PPFIBP2: variants seen among roughly 807,000 people sequenced by gnomAD.
PPFIBP2 encodes liprin-beta-2.
PPFIBP2 carries 118 observed loss-of-function variants against 118.3 expected under a neutral mutation model. That is an observed-to-expected ratio of 1.00 (90% CI 0.86 to 1.16). The LOEUF (loss-of-function observed/expected upper bound fraction) is 1.16, where lower values mean the gene tolerates loss of function less well. Among genes scored for constraint, PPFIBP2 ranks in the 50% most tolerant of loss-of-function variants. The pLI, the probability that PPFIBP2 is intolerant of heterozygous loss-of-function variation, is 0.00. For synonymous variants in PPFIBP2, 414 were observed against 397.4 expected, an observed-to-expected ratio of 1.04 and a Z score of -0.50; for missense variants, 1,195 against 1,073.1, an observed-to-expected ratio of 1.11 and a Z score of -1.59.
intron 1 of PPFIBP2, among the ~76,000 whole-genome samples, chr11:7,522,327 G>A (rs1408238819): frequency 6.6e-6 from 1 of 152,232 alleles, no homozygotes; most frequent in Non-Finnish European, 1.5e-5. Flanking sequence ...GCAACTGTTA[G>A]TAGCATGAAA....
At position 7,653,372 on chromosome 11, in the gene PPFIBP2, G is replaced by T; in HGVS notation, c.*154G>T. 6.7e-7 allele frequency: 1 copy of T among 1,483,536 alleles called. No homozygotes were observed. Among genetic ancestry groups the T allele is most frequent in the East Asian group, 2.5e-5 (1 of 40,494 alleles). 91.9% of individuals were successfully genotyped at this position (1,483,536 alleles called of 1,614,324 possible). A position where few individuals can be genotyped will look rare whatever the true frequency, so the allele number is the denominator to read the frequency against. ...CTGGGCCAGTCTCTTTGAACCCTGA[G>T]GGTGGCCAGGATCTGGAGCTGCATC... On this transcript the variant is annotated 3_prime_UTR_variant, in exon 24 of 24. Transcript: ENST00000299492.
At chr11:7,634,419 T>G in intron 12 of PPFIBP2, 76 bp from the exon 13 acceptor site, 1 of 1,202,370 alleles carries the variant, frequency 8.3e-7, no homozygotes. Flanking sequence ...CGGTTAAGCA[T>G]TTGAAATGTC....
chr11:7,516,207 C>T (rs1849216502), intron 1 of PPFIBP2, among the ~76,000 whole-genome samples: 1 of 152,174 alleles, frequency 6.6e-6, no homozygotes, highest in Admixed American at 6.5e-5. Flanking sequence ...GGGAAGCAAA[C>T]TCCAAGGGAA....
intron 1 of PPFIBP2, among the ~76,000 whole-genome samples, chr11:7,530,783 C>T (rs1850614878): frequency 6.6e-6 from 1 of 152,146 alleles, no homozygotes; most frequent in Non-Finnish European, 1.5e-5. Context: ...GGGGAAGAAG[C>T]ACCTCACTTG....
chr11:7,631,063 C>A (rs1000576109), intron 11 of PPFIBP2, 35 bp downstream of exon 11: 3 of 1,540,326 alleles, frequency 1.9e-6, no homozygotes, highest in Admixed American at 1.7e-5. Flanking sequence ...AGGGTTTCAG[C>A]AGGTCCTCCG....
At chr11:7,636,466 C>T (rs1851466391) in intron 14 of PPFIBP2, among the ~76,000 whole-genome samples, 1 of 152,150 alleles carries the variant, frequency 6.6e-6, no homozygotes, top group Non-Finnish European at 1.5e-5. Context: ...TGCCTGCTCC[C>T]CTGCCCAGGT....
rs1401412894 is a variant in PPFIBP2 at position 7,610,157 on chromosome 11, A to G, written c.487-134A>G. ...CAGGCCCATCCATAATAGGCCTGTG[A>G]CTCTCATGTAGCAGTCTCAATTCTG... On this transcript the variant is annotated intron_variant, in intron 5 of 23. Transcript: ENST00000299492. 3.5e-6 allele frequency: 4 copies of G among 1,158,118 alleles called. No homozygotes were observed. The East Asian group carries it at 9.6e-5, about 28-fold the overall frequency. 71.7% of individuals were successfully genotyped at this position (1,158,118 alleles called of 1,614,324 possible).
At chr11:7,639,201 A>G (rs769763489) in intron 14 of PPFIBP2, among the ~76,000 whole-genome samples, 3 of 152,150 alleles carry the variant, frequency 2.0e-5, no homozygotes, top group East Asian at 1.9e-4. Flanking sequence ...AAGGGTTCCA[A>G]TTAGCAGAAG....
intron 1 of PPFIBP2, among the ~76,000 whole-genome samples, chr11:7,541,783 T>A (rs971116435): frequency 6.6e-6 from 1 of 152,130 alleles, no homozygotes; most frequent in Non-Finnish European, 1.5e-5. Context: ...AGCTGAACAT[T>A]TCTAAAACCA....
chr11:7,544,543 G>A (rs938205969), intron 1 of PPFIBP2, among the ~76,000 whole-genome samples: 2 of 152,086 alleles, frequency 1.3e-5, no homozygotes, highest in Non-Finnish European at 2.9e-5. Context: ...GGGAGGCCAA[G>A]GTGGGTGGAT....
chr11:7,577,077 T>G (rs1295089891), intron 3 of PPFIBP2: 1 of 153,788 alleles, frequency 6.5e-6, no homozygotes, highest in African/African-American at 2.4e-5. Flanking sequence ...AAATCGGGGC[T>G]CTCAGTAATG....
At chr11:7,665,719 T>G in the PPFIBP2 span, 4 of 1,162,498 alleles carry the variant, frequency 3.4e-6, no homozygotes, top group African/African-American at 3.1e-5. Flanking sequence ...TAAACAGCCC[T>G]CTGCAGCAAT....
intron 5 of PPFIBP2, among the ~76,000 whole-genome samples, chr11:7,607,192 G>A (rs1450709812): frequency 2.7e-5 from 4 of 147,554 alleles, no homozygotes; most frequent in African/African-American, 5.0e-5. Context: ...TTACAGGCGT[G>A]AGCCACCGCG....
At chr11:7,545,710 G>A (rs114178360) in intron 1 of PPFIBP2, among the ~76,000 whole-genome samples, 83 of 152,206 alleles carry the variant, frequency 5.5e-4, no homozygotes, top group African/African-American at 2.0e-3. Context: ...TATATATTTG[G>A]TCTCCTTCCA....
intron 2 of PPFIBP2, among the ~76,000 whole-genome samples, chr11:7,562,310 A>T (rs982454336): frequency 1.3e-5 from 2 of 152,176 alleles, no homozygotes; most frequent in Non-Finnish European, 2.9e-5. Flanking sequence ...TAGTTCCTTG[A>T]TGTCTGCTGA....
In PPFIBP2 at chr11:7,649,060, C is replaced by G. The variant is rs1853572567; in HGVS notation, c.1910-87C>G. On this transcript the variant is annotated intron_variant, in intron 19 of 23. Transcript: ENST00000299492. Reference sequence around the variant, plus strand: ...ACTTTTGGGGGAATAAAACGAACCTCAAAATATAATTTGCTCCCCTTTTTT... The same window carrying G: ...ACTTTTGGGGGAATAAAACGAACCTGAAAATATAATTTGCTCCCCTTTTTT... The G allele has an allele frequency of 5.6e-6, 8 of 1,433,188 alleles. No homozygotes were observed. In the South Asian group the frequency reaches 6.1e-5, roughly 11 times the overall value. The allele number at this position is 1,433,188 out of a possible 1,614,324, so 88.8% of individuals were successfully genotyped here. A position where few individuals can be genotyped will look rare whatever the true frequency, so the allele number is the denominator to read the frequency against.
At chr11:7,531,910 A>C (rs1479640544) in intron 1 of PPFIBP2, among the ~76,000 whole-genome samples, 3 of 151,870 alleles carry the variant, frequency 2.0e-5, no homozygotes, top group Non-Finnish European at 4.4e-5. Flanking sequence ...ATCTTGGCTC[A>C]CAGCATCCTC....
intron 21 of PPFIBP2, among the ~76,000 whole-genome samples, chr11:7,650,128 G>A (rs1036881961): frequency 6.6e-6 from 1 of 152,180 alleles, no homozygotes; most frequent in African/African-American, 2.4e-5. Context: ...AGAAGAAATA[G>A]TATACGTAAA....
chr11:7,640,660 A>C (rs772910196), intron 15 of PPFIBP2, among the ~76,000 whole-genome samples: 1 of 152,178 alleles, frequency 6.6e-6, no homozygotes, highest in Non-Finnish European at 1.5e-5. Flanking sequence ...GTGACACTCA[A>C]ACTGGACTCA....
Sources: allele counts gnomAD v4.1 joint callset (sites outside exome capture counted in the v4.1 genomes callset), GRCh38; gene constraint gnomAD v4.1.1; transcripts MANE v1.5; gene names NCBI Gene and HGNC (gene_info 2026-07-23, HGNC 2026-07-21).